The following HNF4G variants were observed in gnomAD, a reference collection of about 807,000 sequenced individuals.
HNF4G encodes the protein hepatocyte nuclear factor 4-gamma.
HNF4G carries 21 observed loss-of-function variants against 50.9 expected under a neutral mutation model. The ratio of observed to expected loss-of-function variants is 0.41; its 90% CI spans 0.29 to 0.59. HNF4G has a LOEUF of 0.59. HNF4G is among the 20% of genes least tolerant of loss of function. The probability of loss-of-function intolerance (pLI) is 0.26; values close to 1 mark genes in which losing one functional copy is unlikely to be tolerated. For synonymous variants in HNF4G, 198 were observed against 185.6 expected (o/e 1.07, Z -0.54); for missense variants, 527 against 559.4 (o/e 0.94, Z 0.58).
At chr8:75,521,693 C>T (rs1389732565) in intron 2 of HNF4G, among the ~76,000 whole-genome samples, 1 of 152,100 alleles carries the variant, frequency 6.6e-6, no homozygotes, top group Non-Finnish European at 1.5e-5. Flanking sequence ...TATCTTGTTT[C>T]CTTTTGAACT....
At position 75,558,947 on chromosome 8, in the gene HNF4G, A is replaced by G. The variant is rs755084361; in HGVS notation, c.1033A>G (p.Ile345Val). ...TCTGCTCCTGCCCACACTGCAGAGCATCACGTGGCAAATGATTGAGCAAAT... is the reference window on the plus strand; with the variant it reads ...TCTGCTCCTGCCCACACTGCAGAGCGTCACGTGGCAAATGATTGAGCAAAT... ...LLLLLPTLQSITWQMIEQIQF... is the reference protein window; with the variant it reads ...LLLLLPTLQSVTWQMIEQIQF... The change falls in exon 8 of 10, where the codon ATC becomes GTC. Residue 345 changes from isoleucine (I) to valine (V), a missense_variant. By Grantham distance (29) the Ile-to-Val change is conservative. Around this residue, in one of 5 missense-constraint regions of HNF4G, gnomAD observed 308 missense variants for 301.5 expected, o/e 1.02. Coordinates refer to ENST00000396423, the MANE Select transcript of HNF4G (RefSeq NM_004133.5). The G allele has an allele frequency of 6.2e-7, 1 of 1,614,132 alleles. No individual in the cohort carries two copies. Among genetic ancestry groups the G allele is most frequent in the Non-Finnish European group, 8.5e-7 (1 of 1,179,964 alleles).
chr8:75,511,531 A>G (rs2130726381), intron 2 of HNF4G, among the ~76,000 whole-genome samples: 1 of 152,358 alleles, frequency 6.6e-6, no homozygotes, highest in South Asian at 2.1e-4. Flanking sequence ...GATTAACTTA[A>G]GCAGTGTTGA....
chr8:75,481,434 T>C (rs554727424), intron 1 of HNF4G, among the ~76,000 whole-genome samples: 30 of 152,312 alleles, frequency 2.0e-4, no homozygotes, highest in Middle Eastern at 3.4e-3. Context: ...CTGAGATGAA[T>C]TGAATTATCA....
intron 2 of HNF4G, among the ~76,000 whole-genome samples, chr8:75,496,476 G>A (rs553421825): frequency 2.3e-4 from 35 of 151,824 alleles, no homozygotes; most frequent in Non-Finnish European, 3.4e-4. Flanking sequence ...AAAGCTTGAC[G>A]TTACCAGTTT....
chr8:75,420,173 C>A (rs771551278), intron 1 of HNF4G, among the ~76,000 whole-genome samples: 1 of 152,106 alleles, frequency 6.6e-6, no homozygotes, highest in Non-Finnish European at 1.5e-5. Flanking sequence ...TAGAGATCTG[C>A]CAATATTAAC....
chr8:75,413,758 G>A (rs550204068), intron 1 of HNF4G, among the ~76,000 whole-genome samples: 147 of 152,204 alleles, frequency 9.7e-4, no homozygotes, highest in Middle Eastern at 3.4e-3. Context: ...TTGGGAGGCT[G>A]AGGCAGGAGA....
chr8:75,422,294 G>A (rs1810793226), intron 1 of HNF4G, among the ~76,000 whole-genome samples: 3 of 152,086 alleles, frequency 2.0e-5, no homozygotes, highest in African/African-American at 7.2e-5. Flanking sequence ...CTGTTTTCTA[G>A]CCATTATGAT....
chr8:75,498,613 G>T (rs1372415725), intron 2 of HNF4G, among the ~76,000 whole-genome samples: 1 of 151,854 alleles, frequency 6.6e-6, no homozygotes, highest in Non-Finnish European at 1.5e-5. Flanking sequence ...AAAATTGACA[G>T]ACCAGCAATC....
rs1585869500 is a variant in HNF4G at position 75,467,649 on chromosome 8, ACT to A, written c.-143-22437_-143-22436del. On this transcript the variant is annotated intron_variant, in intron 1 of 10. Transcript: ENST00000354370. ...CACTCCAGCCTGGCAACAGAGCAAGACTCTGTCTCAGGAAAAAAAAAAAAAAG... is the reference window on the plus strand; with the variant it reads ...CACTCCAGCCTGGCAACAGAGCAAGACTGTCTCAGGAAAAAAAAAAAAAAG... Among the ~76,000 whole-genome samples the A allele has an allele frequency of 2.7e-5, 4 of 149,788 alleles. No homozygotes were observed. In the East Asian group the frequency reaches 7.8e-4, roughly 29 times the overall value.
chr8:75,424,791 C>T (rs1292689444), intron 1 of HNF4G, among the ~76,000 whole-genome samples: 4 of 152,136 alleles, frequency 2.6e-5, no homozygotes, highest in African/African-American at 9.7e-5. Flanking sequence ...TCGAATCCAC[C>T]ATTGATGGAC....
Position 75,532,660 on chromosome 8 carries a change from C to T in HNF4G, c.-23-11151C>T, listed in dbSNP as rs118074800. On this transcript the variant is annotated intron_variant, in intron 2 of 10. Transcript: ENST00000354370. ...CACATATGCAATCATATACAGGAGA[C>T]TGTATCAAAAATGGAATAAGATTTT... Among the ~76,000 whole-genome samples the T allele has an allele frequency of 2.0e-3, 297 of 152,118 alleles. 9 individuals carry two copies. The East Asian group carries it at 0.048, about 25-fold the overall frequency.
chr8:75,497,774 A>G (rs1169563169), intron 2 of HNF4G, among the ~76,000 whole-genome samples: 1 of 152,010 alleles, frequency 6.6e-6, no homozygotes, highest in East Asian at 1.9e-4. Flanking sequence ...ATTTTTTTTA[A>G]TTAAAAGAAC....
At chr8:75,413,219 A>AT (rs532222684) in intron 1 of HNF4G, among the ~76,000 whole-genome samples, 2 of 147,608 alleles carry the variant, frequency 1.4e-5, no homozygotes, top group African/African-American at 2.5e-5. Flanking sequence ...TTGAGTTAAG[A>AT]TTTTTTTTCT....
chr8:75,482,058 G>A (rs972558483), intron 1 of HNF4G, among the ~76,000 whole-genome samples: 4 of 152,102 alleles, frequency 2.6e-5, no homozygotes, highest in Non-Finnish European at 1.5e-5. Flanking sequence ...ACTGTCAAGC[G>A]CAATATCACA....
chr8:75,427,683 T>C (rs73341192), intron 1 of HNF4G, among the ~76,000 whole-genome samples: 2,002 of 152,148 alleles, frequency 0.013, 39 homozygotes, highest in African/African-American at 0.046. Context: ...TGAATGAATA[T>C]ATATTAGTAT....
chr8:75,458,858 G>T (rs1012298812), intron 1 of HNF4G, among the ~76,000 whole-genome samples: 7 of 151,974 alleles, frequency 4.6e-5, no homozygotes, highest in Non-Finnish European at 1.5e-5. Context: ...TTTTTCTAAT[G>T]ACTTATATTT....
chr8:75,430,444 TAAGCA>T (rs1230278629), intron 1 of HNF4G, among the ~76,000 whole-genome samples: 1 of 142,856 alleles, frequency 7.0e-6, no homozygotes, highest in Admixed American at 7.2e-5. Flanking sequence ...GTGAATTAAA[TAAGCA>T]AATAAAAGAG....
intron 2 of HNF4G, among the ~76,000 whole-genome samples, chr8:75,515,232 T>A (rs1403279546): frequency 6.6e-6 from 1 of 152,202 alleles, no homozygotes; most frequent in African/African-American, 2.4e-5. Flanking sequence ...TTGTATTTTT[T>A]AAAATTACTT....
chr8:75,486,463 A>G (rs1812500487), intron 1 of HNF4G, among the ~76,000 whole-genome samples: 2 of 152,158 alleles, frequency 1.3e-5, no homozygotes, highest in Admixed American at 1.3e-4. Flanking sequence ...GTTATGTACA[A>G]AGTAGTAAGC....
Sources: allele counts gnomAD v4.1 joint callset (sites outside exome capture counted in the v4.1 genomes callset), GRCh38; gene constraint gnomAD v4.1.1; regional missense constraint gnomAD v4.1.1; transcripts MANE v1.5; gene names NCBI Gene and HGNC (gene_info 2026-07-23, HGNC 2026-07-21).